SOS1: variants seen among roughly 807,000 people sequenced by gnomAD.
SOS1 encodes SOS Ras/Rac guanine nucleotide exchange factor 1, also known as son of sevenless homolog 1.
In SOS1, 25 loss-of-function variants were observed where a neutral mutation model predicts 157.6. The observed-to-expected ratio is 0.16, with a 90% CI of 0.12 to 0.22. The LOEUF is 0.22. SOS1 is among the 10% of genes least tolerant of loss of function. The pLI, the probability that SOS1 is intolerant of heterozygous loss-of-function variation, is 1.00. For missense variants in SOS1, 1,237 were observed against 1,599.1 expected (o/e 0.77, Z 3.86); for synonymous variants, 528 against 534.0 (o/e 0.99, Z 0.16).
intron 6 of SOS1, among the ~76,000 whole-genome samples, chr2:39,036,871 G>A (rs898842528): frequency 3.3e-5 from 5 of 151,814 alleles, no homozygotes; most frequent in East Asian, 1.9e-4. Flanking sequence ...CACCGCGCCC[G>A]GCCTGACCAG....
At chr2:38,998,520 G>A (rs1668977417) in intron 17 of SOS1, among the ~76,000 whole-genome samples, 1 of 152,106 alleles carries the variant, frequency 6.6e-6, no homozygotes, top group African/African-American at 2.4e-5. Context: ...CAAAGTGCTG[G>A]GATTACAAGC....
At position 39,094,648 on chromosome 2, in the gene SOS1, G is replaced by A. The variant is rs1478781266; in HGVS notation, c.87+25688C>T. On this transcript the variant is annotated intron_variant, in intron 1 of 22. Transcript: ENST00000402219. ...AGCCTGGACGACAGAGCAAGACTCG[G>A]TCTCAAATAAATAAATAAATAAATA... 1.6e-4 allele frequency among the ~76,000 whole-genome samples: 16 copies of A among 101,270 alleles called. 1 individual carries two copies. The highest frequency in any genetic ancestry group is 1.1e-3 in the Admixed American group (9 of 8,012). 66.4% of individuals were successfully genotyped at this position (101,270 alleles called of 152,430 possible).
chr2:39,037,224 A>G (rs1670387698), intron 6 of SOS1, among the ~76,000 whole-genome samples: 1 of 152,260 alleles, frequency 6.6e-6, no homozygotes, highest in African/African-American at 2.4e-5. Flanking sequence ...GTAAAGTTTC[A>G]AAAACAACAA....
Position 39,094,972 on chromosome 2 carries a change from G to C in SOS1, c.87+25364C>G, listed in dbSNP as rs564967421. On this transcript the variant is annotated intron_variant, in intron 1 of 22. Transcript: ENST00000402219. The stretch of plus-strand genomic sequence containing the variant: ...AGCTCCCAAGAGAAATCTTCACTGA[G>C]CCACAATATATAATACAAATAAAAG... Among the ~76,000 whole-genome samples the C allele has an allele frequency of 8.4e-4, 128 of 152,190 alleles. 1 individual carries two copies. The South Asian group carries it at 0.018, about 21-fold the overall frequency.
At position 39,056,098 on chromosome 2, in the gene SOS1, G is replaced by A. The variant is rs184021303; in HGVS notation, c.510+604C>T. 5.3e-5 allele frequency among the ~76,000 whole-genome samples: 8 copies of A among 152,190 alleles called. No homozygotes were observed. In the South Asian group the frequency reaches 8.3e-4, roughly 16 times the overall value. ...TGAAAAATTGTTTTTAAGTAAATCCGTAACCTTACAAATCTTTCAATCCAA... is the reference window on the plus strand; with the variant it reads ...TGAAAAATTGTTTTTAAGTAAATCCATAACCTTACAAATCTTTCAATCCAA... On this transcript the variant is annotated intron_variant, in intron 4 of 22. Transcript: ENST00000402219.
chr2:39,088,208 A>T (rs560000783), intron 1 of SOS1, among the ~76,000 whole-genome samples: 1 of 4,866 alleles, frequency 2.1e-4, no homozygotes, highest in Non-Finnish European at 5.2e-4. Flanking sequence ...TAAACCATGC[A>T]TAACAATAAA....
intron 6 of SOS1, among the ~76,000 whole-genome samples, chr2:39,048,731 A>G (rs946316237): frequency 2.6e-5 from 4 of 151,986 alleles, no homozygotes; most frequent in East Asian, 3.9e-4. Flanking sequence ...TTGATGTTCT[A>G]TAGTTTCACT....
chr2:38,996,175 C>T (rs1000532940), intron 19 of SOS1, among the ~76,000 whole-genome samples: 10 of 152,052 alleles, frequency 6.6e-5, no homozygotes, highest in Non-Finnish European at 1.2e-4. Context: ...CTGTAACCTC[C>T]GCCTCCCGGG....
intron 1 of SOS1, among the ~76,000 whole-genome samples, chr2:39,080,775 T>A (rs973600185): frequency 2.0e-5 from 3 of 152,128 alleles, no homozygotes; most frequent in Admixed American, 6.5e-5. Flanking sequence ...ACTGATAGCC[T>A]AGCAATACCC....
chr2:39,107,030 A>C (rs1673218538), intron 1 of SOS1, among the ~76,000 whole-genome samples: 2 of 152,176 alleles, frequency 1.3e-5, no homozygotes, highest in Admixed American at 1.3e-4. Flanking sequence ...GTGTACCATT[A>C]ATTTCAATGA....
chr2:39,066,450 C>T (rs553117790), intron 2 of SOS1, among the ~76,000 whole-genome samples: 562 of 152,342 alleles, frequency 3.7e-3, no homozygotes, highest in Non-Finnish European at 6.7e-3. Context: ...CTAGCTGTAT[C>T]TCCCATTTTC....
At chr2:39,094,363 G>C (rs1046758730) in intron 1 of SOS1, among the ~76,000 whole-genome samples, 1 of 152,052 alleles carries the variant, frequency 6.6e-6, no homozygotes, top group Non-Finnish European at 1.5e-5. Context: ...AGAGTGTGAA[G>C]GGGGCCGGGT....
intron 1 of SOS1, among the ~76,000 whole-genome samples, chr2:39,101,448 A>C (rs892797844): frequency 6.6e-6 from 1 of 152,204 alleles, no homozygotes; most frequent in Non-Finnish European, 1.5e-5. Context: ...GCCTAGATCA[A>C]CTGTTGAACA....
intron 1 of SOS1, among the ~76,000 whole-genome samples, chr2:39,085,854 C>G (rs1211803440): frequency 6.6e-6 from 1 of 152,088 alleles, no homozygotes; most frequent in East Asian, 1.9e-4. Context: ...ACAGGCCCCA[C>G]CCTCAAGGAG....
At chr2:39,096,174 A>G (rs191066893) in intron 1 of SOS1, among the ~76,000 whole-genome samples, 3 of 152,354 alleles carry the variant, frequency 2.0e-5, no homozygotes, top group Admixed American at 2.0e-4. Flanking sequence ...CTCCTTAAGC[A>G]GACTTGGCTA....
rs994463655 is a variant in SOS1, at chr2:39,022,962, C to T, written c.1466G>A (p.Arg489His). 1 of 1,613,746 alleles carries T rather than the reference C, an allele frequency of 6.2e-7. No individual in the cohort carries two copies. Among genetic ancestry groups the T allele is most frequent in the Non-Finnish European group, 8.5e-7 (1 of 1,179,796 alleles). ...TCGCATAAAAAACTTTTCTTTAAGACGATATTCTGCATTGCTAGCACCAGG... is the reference window on the plus strand; with the variant it reads ...TCGCATAAAAAACTTTTCTTTAAGATGATATTCTGCATTGCTAGCACCAGG... Reference protein sequence around the residue: ...RLPGASNAEYRLKEKFFMRKV... With the variant: ...RLPGASNAEYHLKEKFFMRKV... Residue 489 changes from arginine (R) to histidine (H), a missense_variant, in exon 10 of 23, where the codon CGT becomes CAT. Coordinates refer to ENST00000402219, the MANE Select transcript of SOS1 (RefSeq NM_005633.4).
rs1209739668 is a variant in SOS1, at chr2:39,120,903, G to C, written c.-481C>G. On this transcript the variant is annotated 5_prime_UTR_variant, in exon 1 of 23. Coordinates refer to ENST00000402219, the MANE Select transcript of SOS1 (RefSeq NM_005633.4). Reference sequence around the variant, plus strand: ...AAGAGCCCCGGGCGGGGCGGAGCTGGGGCGGAGGTCTCGCGGGGAAGGGGA... The same window carrying C: ...AAGAGCCCCGGGCGGGGCGGAGCTGCGGCGGAGGTCTCGCGGGGAAGGGGA... The C allele has an allele frequency of 6.6e-6, 1 of 151,382 alleles. No homozygotes were observed. Among genetic ancestry groups the C allele is most frequent in the Non-Finnish European group, 1.5e-5 (1 of 68,034 alleles). 9.4% of individuals were successfully genotyped at this position (151,382 alleles called of 1,614,324 possible).
In SOS1 at chr2:39,103,563, T is replaced by A. The variant is rs1321870019; in HGVS notation, c.87+16773A>T. On this transcript the variant is annotated intron_variant, in intron 1 of 22. Transcript: ENST00000402219. The stretch of plus-strand genomic sequence containing the variant: ...GAGAAATAAGACCCTGCTCAACAAA[T>A]GGTGCTGGGACAACTGGATTTCCAC... Among the ~76,000 whole-genome samples the A allele has an allele frequency of 3.9e-5, 6 of 152,298 alleles. No individual in the cohort carries two copies. In the South Asian group the frequency reaches 6.2e-4, roughly 16 times the overall value.
At chr2:38,987,766 C>T (rs752911000) in intron 21 of SOS1, 175 bp from the exon 22 acceptor site, 58 of 577,316 alleles carry the variant, frequency 1.0e-4, no homozygotes, top group Non-Finnish European at 1.7e-4. Context: ...GCCATAAAAG[C>T]ATGCAGACAT....
Sources: allele counts gnomAD v4.1 joint callset (sites outside exome capture counted in the v4.1 genomes callset), GRCh38; gene constraint gnomAD v4.1.1; transcripts MANE v1.5; gene names NCBI Gene and HGNC (gene_info 2026-07-23, HGNC 2026-07-21).